The following DLGAP1 variants were observed in gnomAD, a reference collection of about 807,000 sequenced individuals.
DLGAP1 encodes DLG associated protein 1.
A neutral mutation model predicts 90.8 loss-of-function variants in DLGAP1; 11 were observed. That is an observed-to-expected ratio of 0.12 (90% CI 0.08 to 0.20). DLGAP1 has a LOEUF of 0.20. Ranked by LOEUF, DLGAP1 falls within the 10% of genes least tolerant of loss-of-function variation. The pLI is 1.00. For synonymous variants in DLGAP1, 558 were observed against 540.7 expected (o/e 1.03, Z -0.44); for missense variants, 1,050 against 1,333.8 (o/e 0.79, Z 3.31).
intron 1 of DLGAP1, among the ~76,000 whole-genome samples, chr18:4,404,879 C>A (rs2082630609): frequency 6.6e-6 from 1 of 151,946 alleles, no homozygotes; most frequent in Non-Finnish European, 1.5e-5. Flanking sequence ...AAAATAATAA[C>A]AACAAAAAAG....
At chr18:4,185,383 T>C (rs2077275188) in intron 1 of DLGAP1, among the ~76,000 whole-genome samples, 1 of 151,958 alleles carries the variant, frequency 6.6e-6, no homozygotes, top group Non-Finnish European at 1.5e-5. Context: ...ACCCAATAGT[T>C]ATTGTTTCTG....
At chr18:3,628,947 G>A (rs1367986018) in intron 7 of DLGAP1, among the ~76,000 whole-genome samples, 1 of 152,092 alleles carries the variant, frequency 6.6e-6, no homozygotes, top group Admixed American at 6.6e-5. Flanking sequence ...GAATATTCCT[G>A]TCCTGTATTT....
chr18:4,104,320 G>A (rs1161970850), intron 2 of DLGAP1, among the ~76,000 whole-genome samples: 1 of 152,044 alleles, frequency 6.6e-6, no homozygotes, highest in Non-Finnish European at 1.5e-5. Context: ...TAATAGTTGT[G>A]TCTACAATTT....
intron 5 of DLGAP1, among the ~76,000 whole-genome samples, chr18:3,788,571 G>A (rs2065569089): frequency 6.6e-6 from 1 of 152,112 alleles, no homozygotes; most frequent in Non-Finnish European, 1.5e-5. Context: ...AGGTTCATCT[G>A]GCAAATGGGA....
chr18:3,578,838 T>C (rs1326206943), intron 8 of DLGAP1, among the ~76,000 whole-genome samples: 2 of 152,120 alleles, frequency 1.3e-5, no homozygotes, highest in Admixed American at 1.3e-4. Context: ...GGTGGTTGGA[T>C]GAGTCAAATG....
At chr18:3,615,149 T>C (rs2057803327) in intron 7 of DLGAP1, among the ~76,000 whole-genome samples, 1 of 152,090 alleles carries the variant, frequency 6.6e-6, no homozygotes, top group Admixed American at 6.6e-5. Flanking sequence ...CTCAAACTCC[T>C]GACCTCATGT....
chr18:3,687,402 A>G (rs1371463523), intron 7 of DLGAP1, among the ~76,000 whole-genome samples: 3 of 152,318 alleles, frequency 2.0e-5, no homozygotes, highest in Middle Eastern at 3.4e-3. Context: ...AGAATTAACG[A>G]TAATACCAAT....
At chr18:3,547,438 C>T (rs910421023) in intron 9 of DLGAP1, among the ~76,000 whole-genome samples, 1 of 149,888 alleles carries the variant, frequency 6.7e-6, no homozygotes, top group East Asian at 2.0e-4. Flanking sequence ...TTAAATAACC[C>T]AATTAAAAAA....
intron 1 of DLGAP1, among the ~76,000 whole-genome samples, chr18:4,267,050 C>T (rs902436714): frequency 3.3e-5 from 5 of 152,140 alleles, no homozygotes; most frequent in Non-Finnish European, 7.4e-5. Context: ...CAACTATTTG[C>T]CTTTTCTTTT....
At chr18:3,685,173 A>C (rs1343269166) in intron 7 of DLGAP1, among the ~76,000 whole-genome samples, 2 of 152,198 alleles carry the variant, frequency 1.3e-5, no homozygotes, top group Non-Finnish European at 2.9e-5. Flanking sequence ...ACATGGTAAA[A>C]AGTGGATTTA....
At chr18:3,753,952 G>A (rs1012237050) in intron 5 of DLGAP1, among the ~76,000 whole-genome samples, 2 of 152,160 alleles carry the variant, frequency 1.3e-5, no homozygotes, top group African/African-American at 4.8e-5. Context: ...AGTCCCTTAT[G>A]TAAATGGCAT....
chr18:3,611,742 G>C (rs1368852101), intron 7 of DLGAP1, among the ~76,000 whole-genome samples: 1 of 152,112 alleles, frequency 6.6e-6, no homozygotes, highest in Non-Finnish European at 1.5e-5. Context: ...GTTCAGAAAA[G>C]ACAAAAAGGA....
At chr18:3,817,845 T>C (rs1046971880) in intron 4 of DLGAP1, among the ~76,000 whole-genome samples, 1 of 152,176 alleles carries the variant, frequency 6.6e-6, no homozygotes, top group African/African-American at 2.4e-5. Flanking sequence ...AGAAAAGATT[T>C]AGGAAAATCC....
intron 11 of DLGAP1, among the ~76,000 whole-genome samples, chr18:3,505,353 A>G (rs1206410797): frequency 1.3e-5 from 2 of 152,074 alleles, no homozygotes; most frequent in Non-Finnish European, 2.9e-5. Flanking sequence ...AAATGTCACT[A>G]TCGGGCCGGG....
At chr18:4,453,611 C>T (rs1411084430) in intron 1 of DLGAP1, among the ~76,000 whole-genome samples, 1 of 152,180 alleles carries the variant, frequency 6.6e-6, no homozygotes, top group Non-Finnish European at 1.5e-5. Flanking sequence ...CCTAAAATCG[C>T]TTTCCTAGTT....
At chr18:4,363,480 A>C (rs1057332095) in intron 1 of DLGAP1, among the ~76,000 whole-genome samples, 18 of 152,222 alleles carry the variant, frequency 1.2e-4, no homozygotes, top group South Asian at 8.3e-4. Flanking sequence ...AACCAGACTT[A>C]AGAGAAAATT....
intron 7 of DLGAP1, among the ~76,000 whole-genome samples, chr18:3,583,697 C>T (rs550187317): frequency 1.8e-4 from 28 of 152,302 alleles, no homozygotes; most frequent in African/African-American, 6.3e-4. Flanking sequence ...CCTGTAATCC[C>T]AGCACTTTGG....
At chr18:4,199,811 G>A (rs917671345) in intron 1 of DLGAP1, among the ~76,000 whole-genome samples, 1 of 152,206 alleles carries the variant, frequency 6.6e-6, no homozygotes, top group African/African-American at 2.4e-5. Flanking sequence ...TAAAAAGAAT[G>A]TAAGGGTCTC....
At chr18:4,432,703 C>A (rs1405348445) in intron 1 of DLGAP1, among the ~76,000 whole-genome samples, 1 of 151,792 alleles carries the variant, frequency 6.6e-6, no homozygotes, top group Non-Finnish European at 1.5e-5. Flanking sequence ...CAATAGATCT[C>A]CAGAATTTAT....
Sources: gnomAD v4.1 joint callset for allele counts (sites outside exome capture counted in the v4.1 genomes callset) on GRCh38, gnomAD v4.1.1 for gene constraint, MANE v1.5 for transcripts, NCBI Gene and HGNC (gene_info 2026-07-23, HGNC 2026-07-21) for gene names.